The following IGF1R variants were observed in gnomAD, a reference collection of about 807,000 sequenced individuals.
IGF1R encodes the protein insulin like growth factor 1 receptor, also known as insulin-like growth factor 1 receptor.
IGF1R carries 44 observed loss-of-function variants against 144.6 expected under a neutral mutation model. The observed-to-expected ratio is 0.30, with a 90% CI of 0.24 to 0.39. IGF1R has a LOEUF of 0.39. IGF1R is among the 10% of genes least tolerant of loss of function. IGF1R has a pLI of 1.00. For synonymous variants in IGF1R, 795 were observed against 722.8 expected, an observed-to-expected ratio of 1.10 and a Z score of -1.60; for missense variants, 1,355 against 1,833.7, an observed-to-expected ratio of 0.74 and a Z score of 4.77.
chr15:98,828,618 G>A (rs1193109751), intron 2 of IGF1R, among the ~76,000 whole-genome samples: 1 of 152,128 alleles, frequency 6.6e-6, no homozygotes, highest in African/African-American at 2.4e-5. Context: ...TTCAGTTCCA[G>A]TGCTGTGGCC....
chr15:98,947,782 A>AC (rs1261287785), intron 19 of IGF1R, among the ~76,000 whole-genome samples: 1 of 151,274 alleles, frequency 6.6e-6, no homozygotes, highest in African/African-American at 2.4e-5. Context: ...TGTCCATGAT[A>AC]CCCCCTCCCA....
chr15:98,810,523 A>G (rs1258558363), intron 2 of IGF1R, among the ~76,000 whole-genome samples: 1 of 151,806 alleles, frequency 6.6e-6, no homozygotes. Flanking sequence ...TCTCTTGTAA[A>G]ATCAGATTCT....
rs768224527 is a variant in IGF1R, at chr15:98,708,110, A to G, written c.640+3A>G. 3.7e-6 allele frequency: 6 copies of G among 1,611,396 alleles called. No homozygotes were observed. The highest frequency in any genetic ancestry group is 4.2e-6 in the Non-Finnish European group (5 of 1,178,548). ...GACCACAAACCGCTGCCAGAAAAGT[A>G]AGAATGATGCTGACTGCTGCTTTCT... On this transcript the variant is annotated splice_donor_region_variant and intron_variant, in intron 2 of 20. Transcript: ENST00000650285.
At chr15:98,885,207 C>T (rs747810812) in intron 2 of IGF1R, among the ~76,000 whole-genome samples, 1 of 152,192 alleles carries the variant, frequency 6.6e-6, no homozygotes. Flanking sequence ...AGTCCCCGAA[C>T]CTGCCACGTC....
chr15:98,654,147 T>G (rs1038802175), intron 1 of IGF1R, among the ~76,000 whole-genome samples: 1 of 152,234 alleles, frequency 6.6e-6, no homozygotes, highest in African/African-American at 2.4e-5. Context: ...GACTCTAGTG[T>G]TGTTCATCAG....
At chr15:98,744,762 GT>G (rs202049996) in intron 2 of IGF1R, among the ~76,000 whole-genome samples, 10,556 of 145,964 alleles carry the variant, frequency 0.072, 942 homozygotes, top group African/African-American at 0.22. Flanking sequence ...AAACTGCTCT[GT>G]TTTTTTTTTT....
Position 98,924,008 on chromosome 15 carries a change from T to C in IGF1R, c.2618T>C (p.Val873Ala), listed in dbSNP as rs903429383. 5 of 1,614,112 alleles carry C rather than the reference T, an allele frequency of 3.1e-6. No homozygotes were observed. Among genetic ancestry groups the C allele is most frequent in the Non-Finnish European group, 4.2e-6 (5 of 1,179,924 alleles). The part of the protein sequence containing the change: ...LMYEIKYGSQ[V>A]EDQRECVSRQ... The stretch of plus-strand genomic sequence containing the variant: ...TATGAAATAAAATACGGATCACAAG[T>C]TGAGGTAGGACTGGGGCAGTGGCCC... The change falls in exon 12 of 21, where the codon GTT (valine) becomes GCT (alanine). Residue 873 changes from valine (V) to alanine (A), a missense_variant. Val to Ala is a moderately conservative substitution (Grantham distance 64, BLOSUM62 0). Transcript: ENST00000650285.
At chr15:98,791,991 A>G (rs1567131311) in intron 2 of IGF1R, among the ~76,000 whole-genome samples, 1 of 152,224 alleles carries the variant, frequency 6.6e-6, no homozygotes. Context: ...GAGGATCAGA[A>G]TGGTGGCTCA....
intron 2 of IGF1R, among the ~76,000 whole-genome samples, chr15:98,871,402 C>T (rs2012778415): frequency 6.6e-6 from 1 of 152,216 alleles, no homozygotes; most frequent in Admixed American, 6.5e-5. Flanking sequence ...TAACAAGGGA[C>T]TTGCTTCTTC....
chr15:98,888,768 A>C (rs188533239), intron 2 of IGF1R, among the ~76,000 whole-genome samples: 5 of 152,344 alleles, frequency 3.3e-5, no homozygotes, highest in Middle Eastern at 3.4e-3. Context: ...GTTCAGTTGC[A>C]TATATGAATA....
At chr15:98,693,114 CT>C (rs1332410115) in intron 1 of IGF1R, among the ~76,000 whole-genome samples, 5 of 152,188 alleles carry the variant, frequency 3.3e-5, no homozygotes, top group Admixed American at 2.6e-4. Flanking sequence ...CAGCACCCCC[CT>C]GACCCCATAT....
At chr15:98,735,633 A>T (rs2054592929) in intron 2 of IGF1R, among the ~76,000 whole-genome samples, 1 of 152,236 alleles carries the variant, frequency 6.6e-6, no homozygotes, top group South Asian at 2.1e-4. Context: ...TTAGGAGAAA[A>T]TGTGGATATT....
intron 1 of IGF1R, among the ~76,000 whole-genome samples, chr15:98,664,595 G>GTGGAGGT (rs370271964): frequency 0.068 from 10,141 of 150,222 alleles, 461 homozygotes; most frequent in African/African-American, 0.12. Flanking sequence ...AACCTGGGAG[G>GTGGAGGT]TGGAGGTTGG....
intron 1 of IGF1R, among the ~76,000 whole-genome samples, chr15:98,675,821 TCTTTC>T (rs1567069977): frequency 2.2e-5 from 3 of 134,506 alleles, no homozygotes; most frequent in African/African-American, 5.9e-5. Flanking sequence ...TTTCTTTCTT[TCTTTC>T]TTTTTTTTTT....
chr15:98,735,592 CAGTA>C (rs1335885271), intron 2 of IGF1R, among the ~76,000 whole-genome samples: 2 of 152,140 alleles, frequency 1.3e-5, no homozygotes, highest in Non-Finnish European at 2.9e-5. Context: ...TTCCCGGCCT[CAGTA>C]AGGAAGAAGG....
chr15:98,906,050 G>A (rs2014716980), intron 5 of IGF1R, among the ~76,000 whole-genome samples: 1 of 152,104 alleles, frequency 6.6e-6, no homozygotes, highest in Non-Finnish European at 1.5e-5. Flanking sequence ...TGGTATCCTG[G>A]CTCCCAGCCT....
chr15:98,962,228 C>T lies in IGF1R; in HGVS notation c.*4786C>T, dbSNP rs1223149936. ...CGGTGTTGGCCACTCCCTTCTAAAA[C>T]ACAGGCGCCCTCCTGGTGACAGTGA... On this transcript the variant is annotated 3_prime_UTR_variant, in exon 21 of 21. Transcript: ENST00000650285. 3 of 233,266 alleles carry T rather than the reference C, an allele frequency of 1.3e-5. No individual in the cohort carries two copies. Among genetic ancestry groups the T allele is most frequent in the African/African-American group, 4.4e-5 (2 of 45,374 alleles). 14.4% of individuals were successfully genotyped at this position (233,266 alleles called of 1,614,324 possible).
chr15:98,946,419 T>A (rs2016556476), intron 19 of IGF1R, among the ~76,000 whole-genome samples: 1 of 152,142 alleles, frequency 6.6e-6, no homozygotes. Flanking sequence ...GTGCTTGAAG[T>A]TCTTGTTAGC....
At chr15:98,834,147 G>A (rs960036141) in intron 2 of IGF1R, among the ~76,000 whole-genome samples, 3 of 152,228 alleles carry the variant, frequency 2.0e-5, no homozygotes, top group African/African-American at 7.2e-5. Context: ...TGATGTTGAA[G>A]TTACAAGTTT....
Sources: allele counts gnomAD v4.1 joint callset (sites outside exome capture counted in the v4.1 genomes callset), GRCh38; gene constraint gnomAD v4.1.1; transcripts MANE v1.5; gene names NCBI Gene and HGNC (gene_info 2026-07-23, HGNC 2026-07-21).